Variants in ANKRD36B observed in about 807,000 individuals in gnomAD.
The protein encoded by ANKRD36B is ankyrin repeat domain-containing protein 36B.
In ANKRD36B, 37 loss-of-function variants were observed where a neutral mutation model predicts 135.7. That is an observed-to-expected ratio of 0.27 (90% CI 0.21 to 0.36). ANKRD36B has a LOEUF of 0.36. ANKRD36B is among the 10% of genes least tolerant of loss of function. The pLI is 1.00. For synonymous variants in ANKRD36B, 179 were observed against 348.1 expected (o/e 0.51, Z 5.41); for missense variants, 549 against 1,037.1 (o/e 0.53, Z 6.46).
chr2:97,558,626 G>T (rs2080742898), intron 10 of ANKRD36B, among the ~76,000 whole-genome samples, 173 bp downstream of exon 10: 1 of 151,950 alleles, frequency 6.6e-6, no homozygotes, highest in Non-Finnish European at 1.5e-5. Context: ...TAATCTTACT[G>T]CAAAGATCAT....
rs576343536 is a variant in ANKRD36B at position 97,545,043 on chromosome 2, A to G, written c.1681+623T>C. ...AGTCACTGTGGTTTATCCCAATTCT[A>G]GCATAGTTTCCTGCTTCCAGTAGTG... is the stretch of plus-strand genomic sequence containing the variant. On this transcript the variant is annotated intron_variant, in intron 24 of 43. Transcript: ENST00000359901. 2.1e-5 allele frequency among the ~76,000 whole-genome samples: 2 copies of G among 95,786 alleles called. 1 individual carries two copies. Among genetic ancestry groups the G allele is most frequent in the East Asian group, 4.7e-4 (2 of 4,282 alleles). The allele number at this position is 95,786 out of a possible 152,430, so 62.8% of individuals were successfully genotyped here. A position where few individuals can be genotyped will look rare whatever the true frequency, so the allele number is the denominator to read the frequency against.
intron 35 of ANKRD36B, among the ~76,000 whole-genome samples, chr2:97,529,195 C>T (rs2078412683): frequency 1.1e-5 from 1 of 94,594 alleles, no homozygotes; most frequent in South Asian, 2.4e-4. Context: ...CATCAAAAAG[C>T]TTATCCACCA....
chr2:97,585,125 T>C lies in ANKRD36B; in HGVS notation c.277-8A>G. 1.2e-6 allele frequency: 2 copies of C among 1,613,740 alleles called. No individual in the cohort carries two copies. The highest frequency in any genetic ancestry group is 8.5e-7 in the Non-Finnish European group (1 of 1,179,768). On this transcript the variant is annotated splice_polypyrimidine_tract_variant and splice_region_variant and intron_variant, in intron 2 of 43. Coordinates refer to ENST00000359901, the MANE Select transcript of ANKRD36B (RefSeq NM_001393939.1). Reference sequence around the variant, plus strand: ...CTGCCTCAGTTGTACAGCCTGTCAGTATTAGACCGAGAAACATGCAAATAC... The same window carrying C: ...CTGCCTCAGTTGTACAGCCTGTCAGCATTAGACCGAGAAACATGCAAATAC...
At chr2:97,562,066 T>G (rs1319481384) in intron 6 of ANKRD36B, among the ~76,000 whole-genome samples, 1 of 151,928 alleles carries the variant, frequency 6.6e-6, no homozygotes, top group Non-Finnish European at 1.5e-5. Flanking sequence ...ACTCCTGATG[T>G]TTTTACATTT....
Position 97,580,507 on chromosome 2 carries a change from A to T in ANKRD36B, c.512T>A (p.Leu171Ter). 6.5e-7 allele frequency: 1 copy of T among 1,548,442 alleles called. No individual in the cohort carries two copies. The change falls in exon 4 of 44, where the codon TTA becomes TAA. Residue 171 changes from leucine (L) to a stop codon, truncating the protein, a stop_gained. Transcript: ENST00000359901. LOFTEE classifies it high-confidence loss of function. ...ATTTACATTTGCTTTTTTCTTTAATAAAAATTCCACCATTTTCACTTTTCT... is the reference window on the plus strand; with the variant it reads ...ATTTACATTTGCTTTTTTCTTTAATTAAAATTCCACCATTTTCACTTTTCT... The part of the protein sequence containing the change: ...SRRKVKMVEF[L>*]LKKKANVNAI...
intron 34 of ANKRD36B, among the ~76,000 whole-genome samples, chr2:97,535,486 AACACAC>A (rs201309834): frequency 1.7e-4 from 18 of 108,104 alleles, no homozygotes; most frequent in African/African-American, 1.8e-4. Context: ...AAAAAAATAA[AACACAC>A]ACACACACAC....
At chr2:97,589,271 G>C (rs1174488753) in intron 1 of ANKRD36B, among the ~76,000 whole-genome samples, 41 of 76,414 alleles carry the variant, frequency 5.4e-4, no homozygotes, top group African/African-American at 2.2e-3. Context: ...ATCCACCTCA[G>C]CCCATTCACG....
At chr2:97,550,425 A>T (rs2079935614) in intron 18 of ANKRD36B, among the ~76,000 whole-genome samples, 1 of 151,930 alleles carries the variant, frequency 6.6e-6, no homozygotes, top group South Asian at 2.1e-4. Context: ...TCACTCTAGG[A>T]CTTAATTAGA....
chr2:97,548,913 A>G (rs2079760297), intron 20 of ANKRD36B, among the ~76,000 whole-genome samples: 1 of 152,030 alleles, frequency 6.6e-6, no homozygotes, highest in South Asian at 2.1e-4. Context: ...AAAATTATAT[A>G]AATGACTTCC....
intron 1 of ANKRD36B, among the ~76,000 whole-genome samples, chr2:97,586,940 G>A (rs2083042779): frequency 6.6e-6 from 1 of 152,154 alleles, no homozygotes; most frequent in South Asian, 2.1e-4. Context: ...TTGGGAGGCC[G>A]AGGCGGGGGG....
intron 1 of ANKRD36B, 36 bp downstream of exon 1, chr2:97,589,489 C>A: frequency 1.3e-6 from 2 of 1,540,740 alleles, no homozygotes; most frequent in Non-Finnish European, 1.7e-6. Flanking sequence ...CATCCACAGG[C>A]CTCCTCCCGC....
In ANKRD36B at chr2:97,580,501, T is replaced by G; in HGVS notation, c.518A>C (p.Lys173Thr). 1 of 1,548,434 alleles carries G rather than the reference T, an allele frequency of 6.5e-7. No individual in the cohort carries two copies. Among genetic ancestry groups the G allele is most frequent in the Non-Finnish European group, 8.7e-7 (1 of 1,144,722 alleles). Reference sequence around the variant, plus strand: ...AATGGCATTTACATTTGCTTTTTTCTTTAATAAAAATTCCACCATTTTCAC... The same window carrying G: ...AATGGCATTTACATTTGCTTTTTTCGTTAATAAAAATTCCACCATTTTCAC... ...RKVKMVEFLL[K>T]KKANVNAIDY... The change falls in exon 4 of 44, where the codon AAG (lysine) becomes ACG (threonine). Residue 173 changes from lysine to threonine, a missense_variant. Lys to Thr is a moderately conservative substitution (Grantham distance 78). Coordinates refer to ENST00000359901, the MANE Select transcript of ANKRD36B (RefSeq NM_001393939.1).
intron 37 of ANKRD36B, among the ~76,000 whole-genome samples, chr2:97,513,762 C>G (rs368632799): frequency 0.014 from 1,194 of 83,922 alleles, 29 homozygotes; most frequent in Middle Eastern, 0.026. Context: ...ACAATCTGCT[C>G]TCTCTGAAGT....
At chr2:97,587,149 G>C (rs2083060886) in intron 1 of ANKRD36B, among the ~76,000 whole-genome samples, 1 of 152,104 alleles carries the variant, frequency 6.6e-6, no homozygotes, top group South Asian at 2.1e-4. Context: ...CTGCAGGCTG[G>C]GCGACAGGGT....
intron 20 of ANKRD36B, among the ~76,000 whole-genome samples, 169 bp downstream of exon 20, chr2:97,549,250 G>A (rs2079797971): frequency 2.7e-5 from 1 of 36,790 alleles, no homozygotes; most frequent in African/African-American, 6.3e-5. Context: ...CAGACCAGCA[G>A]CATCAGCATC....
At chr2:97,561,770 C>T (rs1434680057) in intron 6 of ANKRD36B, among the ~76,000 whole-genome samples, 1 of 151,990 alleles carries the variant, frequency 6.6e-6, no homozygotes, top group African/African-American at 2.4e-5. Context: ...GCTATTTTAT[C>T]CAATAGCTCC....
chr2:97,588,041 AT>A (rs946397291), intron 1 of ANKRD36B, among the ~76,000 whole-genome samples: 74 of 150,870 alleles, frequency 4.9e-4, no homozygotes, highest in African/African-American at 1.7e-3. Flanking sequence ...TATAAACTGG[AT>A]TTTTTTTATT....
chr2:97,578,885 C>T lies in ANKRD36B; in HGVS notation c.695+21G>A, dbSNP rs755240862. 30 of 1,607,658 alleles carry T rather than the reference C, an allele frequency of 1.9e-5. No individual in the cohort carries two copies. In the African/African-American group the frequency reaches 2.1e-4, roughly 11 times the overall value. The stretch of plus-strand genomic sequence containing the variant: ...TAAACTTCAATTTAGTGTTCATTAG[C>T]CTTTTTACGTAAAGACTTACACTCT... On this transcript the variant is annotated intron_variant, in intron 5 of 43. Transcript: ENST00000359901.
rs781209441 is a variant in ANKRD36B at position 97,589,559 on chromosome 2, A to G, written c.127T>C (p.Tyr43His). 9 of 1,609,478 alleles carry G rather than the reference A, an allele frequency of 5.6e-6. No homozygotes were observed. The highest frequency in any genetic ancestry group is 4.5e-5 in the East Asian group (2 of 44,784). Reference protein sequence around the residue: ...LEKLKYLLLTYYDANKRDRKE... With the variant: ...LEKLKYLLLTHYDANKRDRKE... The stretch of plus-strand genomic sequence containing the variant: ...CTGTCTCTCTTATTGGCGTCATAAT[A>G]CGTGAGCAGAAGGTACTTCAGTTTC... Residue 43 changes from tyrosine (Y) to histidine (H), a missense_variant, in exon 1 of 44, where the codon TAT becomes CAT. Physicochemically the swap from Tyr to His is moderately conservative, Grantham distance 83 (BLOSUM62 2). Coordinates refer to ENST00000359901, the MANE Select transcript of ANKRD36B (RefSeq NM_001393939.1).
Sources: gnomAD v4.1 joint callset for allele counts (sites outside exome capture counted in the v4.1 genomes callset) on GRCh38, gnomAD v4.1.1 for gene constraint, MANE v1.5 for transcripts, NCBI Gene and HGNC (gene_info 2026-07-23, HGNC 2026-07-21) for gene names.